The following PYHIN1 variants were observed in gnomAD, a reference collection of about 807,000 sequenced individuals.
PYHIN1 encodes the protein pyrin and HIN domain-containing protein 1.
In PYHIN1, 32 loss-of-function variants were observed where a neutral mutation model predicts 43.7. The ratio of observed to expected loss-of-function variants is 0.73; its 90% CI spans 0.55 to 0.98. The LOEUF is 0.98. PYHIN1 is among the 50% of genes least tolerant of loss of function. PYHIN1 has a pLI of 0.00. For synonymous variants in PYHIN1, 205 were observed against 203.1 expected (o/e 1.01, Z -0.08); for missense variants, 588 against 589.5 (o/e 1.00, Z 0.03).
At chr1:158,976,320 C>A (rs1013456797) in intron 8 of PYHIN1, among the ~76,000 whole-genome samples, 27 of 152,060 alleles carry the variant, frequency 1.8e-4, no homozygotes, top group Admixed American at 1.2e-3. Flanking sequence ...CCAAGCCTTC[C>A]TTGACAGCAG....
At chr1:158,943,742 C>T (rs4656498) in intron 5 of PYHIN1, 48 bp from the exon 6 acceptor site, 635,705 of 1,413,244 alleles carry the variant, frequency 0.45, 148,326 homozygotes, top group East Asian at 0.5. Flanking sequence ...CCTATATGCA[C>T]GGTAGTTACT....
chr1:158,963,055 G>T lies in PYHIN1; in HGVS notation c.1360-10592G>T, dbSNP rs141742141. Among the ~76,000 whole-genome samples, 24 of 152,228 alleles carry T rather than the reference G, an allele frequency of 1.6e-4. No homozygotes were observed. The East Asian group carries it at 4.6e-3, about 29-fold the overall frequency. On this transcript the variant is annotated intron_variant, in intron 7 of 8. Transcript: ENST00000368140. ...AGTGCCCCACTCCTCAACGAGCTGAGCCCCTAGTTGTGGCCAGCAATGTAA... is the reference window on the plus strand; with the variant it reads ...AGTGCCCCACTCCTCAACGAGCTGATCCCCTAGTTGTGGCCAGCAATGTAA...
intron 7 of PYHIN1, among the ~76,000 whole-genome samples, chr1:158,959,542 A>G (rs1650202426): frequency 6.6e-6 from 1 of 152,238 alleles, no homozygotes. Flanking sequence ...GCTTTCAGCC[A>G]TAACCCTATC....
intron 7 of PYHIN1, among the ~76,000 whole-genome samples, chr1:158,970,506 G>T (rs1016010651): frequency 5.9e-5 from 9 of 151,828 alleles, no homozygotes; most frequent in Middle Eastern, 3.4e-3. Flanking sequence ...ATCACTTCTT[G>T]GCCTTTCCAC....
chr1:158,944,109 T>A, intron 6 of PYHIN1, 131 bp downstream of exon 6: 1 of 535,266 alleles, frequency 1.9e-6, no homozygotes, highest in Non-Finnish European at 3.2e-6. Context: ...ATAATGCCCT[T>A]GCGCTTACAT....
At chr1:158,970,368 T>C (rs947565097) in intron 7 of PYHIN1, among the ~76,000 whole-genome samples, 1 of 151,970 alleles carries the variant, frequency 6.6e-6, no homozygotes, top group African/African-American at 2.4e-5. Context: ...GTTGGGACTT[T>C]TAGTGTATCC....
chr1:158,952,137 G>A (rs1384339687), intron 7 of PYHIN1, among the ~76,000 whole-genome samples: 4 of 119,782 alleles, frequency 3.3e-5, no homozygotes, highest in African/African-American at 6.2e-5. Flanking sequence ...TTCCTGTGCC[G>A]CTCCCTCCCG....
At chr1:158,986,189 G>A in the PYHIN1 span, among the ~76,000 whole-genome samples, 1 of 152,156 alleles carries the variant, frequency 6.6e-6, no homozygotes, top group Non-Finnish European at 1.5e-5. Context: ...GGTTTCTACA[G>A]TGCCAGAGTT....
the PYHIN1 span, among the ~76,000 whole-genome samples, chr1:158,982,428 T>G: frequency 6.6e-6 from 1 of 152,154 alleles, no homozygotes. Context: ...TATTGTCAAC[T>G]TTGTTGAAGA....
intron 7 of PYHIN1, among the ~76,000 whole-genome samples, chr1:158,948,749 G>C (rs1049137088): frequency 2.0e-5 from 3 of 152,138 alleles, no homozygotes; most frequent in Non-Finnish European, 4.4e-5. Flanking sequence ...GTCTGACCTG[G>C]GACAGGGGAC....
the PYHIN1 span, among the ~76,000 whole-genome samples, chr1:158,984,764 T>A: frequency 3.9e-5 from 6 of 152,202 alleles, no homozygotes; most frequent in African/African-American, 1.4e-4. Context: ...ATTCTCCCAC[T>A]ATTATTGTGA....
rs925888963 is a variant in PYHIN1 at position 158,931,648 on chromosome 1, G to C, written c.-149G>C. 1 of 152,218 alleles carries C rather than the reference G, an allele frequency of 6.6e-6. No individual in the cohort carries two copies. Among genetic ancestry groups the C allele is most frequent in the African/African-American group, 2.4e-5 (1 of 41,456 alleles). The allele number at this position is 152,218 out of a possible 1,614,324, so 9.4% of individuals were successfully genotyped here. On this transcript the variant is annotated 5_prime_UTR_variant, in exon 1 of 9. Transcript: ENST00000368140. ...ACTTCATTTTCTTAGCATTTCAGGA[G>C]ATTATAACATCCTGTATTTCAGTTT...
intron 7 of PYHIN1, among the ~76,000 whole-genome samples, chr1:158,957,166 A>C (rs1209798457): frequency 7.2e-6 from 1 of 139,486 alleles, no homozygotes; most frequent in African/African-American, 2.7e-5. Context: ...TATCGTGAAA[A>C]TGGCCATACT....
intron 8 of PYHIN1, among the ~76,000 whole-genome samples, chr1:158,976,464 G>A (rs537067449): frequency 1.3e-4 from 20 of 152,050 alleles, no homozygotes; most frequent in Non-Finnish European, 1.0e-4. Context: ...GCCCTTTCAC[G>A]TGGGCTCATG....
intron 7 of PYHIN1, among the ~76,000 whole-genome samples, chr1:158,951,314 G>A (rs1316401300): frequency 6.6e-6 from 1 of 152,174 alleles, no homozygotes; most frequent in Non-Finnish European, 1.5e-5. Flanking sequence ...GGGCTGGAAT[G>A]TGTGTAATAA....
At chr1:158,942,429 T>C in intron 5 of PYHIN1, 30 bp downstream of exon 5, 1 of 1,509,422 alleles carries the variant, frequency 6.6e-7, no homozygotes, top group Non-Finnish European at 8.9e-7. Context: ...TTGTGGCATT[T>C]TCTACAATAA....
At chr1:158,973,410 A>G (rs906302467) in intron 7 of PYHIN1, among the ~76,000 whole-genome samples, 1 of 151,624 alleles carries the variant, frequency 6.6e-6, no homozygotes, top group African/African-American at 2.4e-5. Flanking sequence ...ACTATATGCT[A>G]GTTTCTGTGT....
chr1:158,934,160 A>C (rs1189087844), intron 1 of PYHIN1, among the ~76,000 whole-genome samples: 1 of 152,214 alleles, frequency 6.6e-6, no homozygotes, highest in East Asian at 1.9e-4. Flanking sequence ...TACTTAATGC[A>C]CATTTTTCTA....
intron 7 of PYHIN1, among the ~76,000 whole-genome samples, chr1:158,949,930 A>C (rs190244184): frequency 6.6e-6 from 1 of 152,190 alleles, no homozygotes; most frequent in Non-Finnish European, 1.5e-5. Flanking sequence ...TGTAGCCACA[A>C]TTGGGTTTGG....
Sources: allele counts gnomAD v4.1 joint callset (sites outside exome capture counted in the v4.1 genomes callset), GRCh38; gene constraint gnomAD v4.1.1; transcripts MANE v1.5; gene names NCBI Gene and HGNC (gene_info 2026-07-23, HGNC 2026-07-21).